Variants in MYH7B observed in about 807,000 individuals in gnomAD.
The protein encoded by MYH7B is myosin-7B.
Under a neutral mutation model 234.5 loss-of-function variants are expected in MYH7B, and 205 were observed. That is an observed-to-expected ratio of 0.87 (90% CI 0.78 to 0.98). The LOEUF (loss-of-function observed/expected upper bound fraction) is 0.98, where lower values mean the gene tolerates loss of function less well. MYH7B is among the 50% of genes least tolerant of loss of function. The probability of loss-of-function intolerance (pLI) is 0.00; values close to 1 mark genes in which losing one functional copy is unlikely to be tolerated. For missense variants in MYH7B, 2,652 were observed against 2,633.4 expected (o/e 1.01, Z -0.15); for synonymous variants, 1,193 against 1,105.0 (o/e 1.08, Z -1.58).
At position 34,987,807 on chromosome 20, in the gene MYH7B, C is replaced by T. The variant is rs773407104; in HGVS notation, c.1309C>T (p.Arg437Trp). 2.5e-5 allele frequency: 40 copies of T among 1,613,994 alleles called. 1 individual carries two copies. Among genetic ancestry groups the T allele is most frequent in the Middle Eastern group, 1.6e-4 (1 of 6,082 alleles). The change falls in exon 18 of 45, where the codon CGG becomes TGG. Residue 437 changes from arginine (R) to tryptophan (W), a missense_variant. Coordinates refer to ENST00000262873, the Ensembl canonical transcript of MYH7B. ...GGCTCTGGCCAAGGCCACCTATGAC[C>T]GGCTGTTCAGGTGGCTGGTGTCTCG...
At chr20:35,001,642 AAG>A (rs1216648905) in intron 43 of MYH7B, 116 bp downstream of exon 43, 1 of 927,128 alleles carries the variant, frequency 1.1e-6, no homozygotes, top group Admixed American at 2.4e-5. Context: ...ACCCAGAGGG[AAG>A]AGAGAAGCTT....
At position 34,991,082 on chromosome 20, in the gene MYH7B, G is replaced by C. The variant is rs1346223790; in HGVS notation, c.2144G>C (p.Gly715Ala). 4 of 1,613,506 alleles carry C rather than the reference G, an allele frequency of 2.5e-6. No homozygotes were observed. The highest frequency in any genetic ancestry group is 2.5e-6 in the Non-Finnish European group (3 of 1,179,700). Residue 715 changes from glycine to alanine, a missense_variant, in exon 24 of 45, where the codon GGG (glycine) becomes GCG (alanine). This residue lies in a region of MYH7B where 2,279 missense variants were observed against 2,211.4 expected (regional missense o/e 1.03). Transcript: ENST00000262873. ...GAGGGGATCCGGATCTGCCGCCAAG[G>C]GTTCCCCAACAGGTTGCTCTACACC... is the stretch of plus-strand genomic sequence containing the variant.
chr20:34,982,595 C>A, intron 10 of MYH7B, 40 bp downstream of exon 10: 2 of 1,424,304 alleles, frequency 1.4e-6, no homozygotes, highest in South Asian at 1.3e-5. Context: ...CGTTGCTTCT[C>A]GCTGTTTTTC....
exon 12 of MYH7B, chr20:34,984,936 C>T (rs754439735): frequency 1.9e-6 from 3 of 1,613,788 alleles, no homozygotes; most frequent in African/African-American, 1.3e-5. Context: ...AATGATAACT[C>T]CTCCCGCTTT....
rs2082021892 is a variant in MYH7B at position 34,986,290 on chromosome 20, C to T, written c.904+92C>T. 6.2e-6 allele frequency: 6 copies of T among 968,462 alleles called. No homozygotes were observed. In the Admixed American group the frequency reaches 1.2e-4, roughly 20 times the overall value. 60.0% of individuals were successfully genotyped at this position (968,462 alleles called of 1,614,324 possible). ...CCCCATCAGGCCAGGCCCTGGTGGT[C>T]TTTCCCTCCCTGTCCTGGGGTCTGT... On this transcript the variant is annotated intron_variant, in intron 14 of 44. Transcript: ENST00000262873.
intron 24 of MYH7B, among the ~76,000 whole-genome samples, chr20:34,991,443 G>C (rs1355394381): frequency 6.6e-6 from 1 of 152,200 alleles, no homozygotes; most frequent in Non-Finnish European, 1.5e-5. Context: ...ACCAGTGGTA[G>C]ATTTACTGAG....
intron 2 of MYH7B, among the ~76,000 whole-genome samples, chr20:34,962,280 A>G (rs1403899315): frequency 6.6e-6 from 1 of 152,132 alleles, no homozygotes; most frequent in East Asian, 1.9e-4. Context: ...TTTTTGTGTG[A>G]ATGTTTTCTG....
At position 34,985,334 on chromosome 20, in the gene MYH7B, C is replaced by T. The variant is rs995477428; in HGVS notation, c.805+205C>T. 9.9e-5 allele frequency among the ~76,000 whole-genome samples: 15 copies of T among 152,258 alleles called. No individual in the cohort carries two copies. The East Asian group carries it at 1.5e-3, about 16-fold the overall frequency. The stretch of plus-strand genomic sequence containing the variant: ...CTGGTCTCCAGCTTCCTCTCCTCTA[C>T]GCGGCCATAGTTTTGCTGGTCATAT... On this transcript the variant is annotated intron_variant, in intron 13 of 44. Coordinates refer to ENST00000262873, the Ensembl canonical transcript of MYH7B.
chr20:34,999,787 A>T lies in MYH7B; in HGVS notation c.4666-4A>T, dbSNP rs776370100. The T allele has an allele frequency of 5.1e-6, 7 of 1,364,624 alleles. No homozygotes were observed. The highest frequency in any genetic ancestry group is 2.1e-4 in the Middle Eastern group (1 of 4,662). The allele number at this position is 1,364,624 out of a possible 1,614,324, so 84.5% of individuals were successfully genotyped here. A position where few individuals can be genotyped will look rare whatever the true frequency, so the allele number is the denominator to read the frequency against. ...ACCCTACCCTGCCTGCTCTGTATCC[A>T]CAGGGGGCCCTGGAGCTGGAGGAGA... On this transcript the variant is annotated splice_region_variant and splice_polypyrimidine_tract_variant and intron_variant, in intron 37 of 44. Coordinates refer to ENST00000262873, the Ensembl canonical transcript of MYH7B.
chr20:34,999,413 C>G lies in MYH7B; in HGVS notation c.4540+8C>G. 1 of 1,509,412 alleles carries G rather than the reference C, an allele frequency of 6.6e-7. No homozygotes were observed. The highest frequency in any genetic ancestry group is 8.9e-7 in the Non-Finnish European group (1 of 1,129,470). 93.5% of individuals were successfully genotyped at this position (1,509,412 alleles called of 1,614,324 possible). On this transcript the variant is annotated splice_region_variant and intron_variant, in intron 36 of 44. Transcript: ENST00000262873. ...AGAACAAGAACCTGCAGGGTAGGAC[C>G]TGCCACACGCCAGGGCCAGGGTGCT...
At chr20:34,982,141 G>GCCCAGCTC (rs1483620552) in intron 9 of MYH7B, 18 of 322,780 alleles carry the variant, frequency 5.6e-5, no homozygotes, top group African/African-American at 4.0e-4. Context: ...AACTCCTGAG[G>GCCCAGCTC]CCCAGTTCCT....
chr20:34,959,603 G>A (rs903260012), intron 2 of MYH7B, among the ~76,000 whole-genome samples: 1 of 151,472 alleles, frequency 6.6e-6, no homozygotes, highest in Non-Finnish European at 1.5e-5. Flanking sequence ...TCAGTCTCCC[G>A]AGTAGCTGGG....
At chr20:34,984,638 G>A (rs375624238) in intron 10 of MYH7B, 54 bp from the exon 11 acceptor site, 60 of 734,252 alleles carry the variant, frequency 8.2e-5, no homozygotes, top group African/African-American at 7.7e-4. Context: ...GCCCCACCCC[G>A]CCCTTCCCCA....
rs1186780849 is a variant in MYH7B, at chr20:34,987,141, C to T, written c.1009-8C>T. 2.5e-6 allele frequency: 4 copies of T among 1,612,742 alleles called. No homozygotes were observed. Among genetic ancestry groups the T allele is most frequent in the Admixed American group, 1.7e-5 (1 of 59,974 alleles). ...CTCTCTGAACTCGCTTTCCCTGCTG[C>T]CCCCCAGCATGCCATGGACATCCTA... On this transcript the variant is annotated splice_region_variant and splice_polypyrimidine_tract_variant and intron_variant, in intron 15 of 44. Coordinates refer to ENST00000262873, the Ensembl canonical transcript of MYH7B.
At chr20:34,956,292 G>A (rs1057023663) in intron 1 of MYH7B, among the ~76,000 whole-genome samples, 1 of 152,102 alleles carries the variant, frequency 6.6e-6, no homozygotes, top group Non-Finnish European at 1.5e-5. Context: ...AAGCATTAGA[G>A]GCAAAAGGAA....
Position 34,981,544 on chromosome 20 carries a change from G to A in MYH7B, c.527+484G>A, listed in dbSNP as rs148691605. On this transcript the variant is annotated intron_variant, in intron 9 of 44. Transcript: ENST00000262873. The stretch of plus-strand genomic sequence containing the variant: ...ATGTTTAGTGTGAGTGTGCATGCGC[G>A]TATGCAGTTAAGAGCAAGTGCCTTG... The A allele has an allele frequency of 2.1e-3, 348 of 168,218 alleles. 5 individuals are homozygous for A. Among genetic ancestry groups the A allele is most frequent in the African/African-American group, 8.0e-3 (334 of 41,656 alleles). The allele number at this position is 168,218 out of a possible 1,614,324, so 10.4% of individuals were successfully genotyped here. A position where few individuals can be genotyped will look rare whatever the true frequency, so the allele number is the denominator to read the frequency against.
intron 14 of MYH7B, 40 bp downstream of exon 14, chr20:34,986,238 T>C (rs1363572681): frequency 2.0e-6 from 3 of 1,506,450 alleles, no homozygotes; most frequent in Non-Finnish European, 2.7e-6. Flanking sequence ...AGTCAGAACC[T>C]GGAGGGGCTG....
At chr20:34,994,037 G>A (rs1320589473) in intron 26 of MYH7B, 109 bp from the exon 27 acceptor site, 7 of 1,402,702 alleles carry the variant, frequency 5.0e-6, no homozygotes, top group Non-Finnish European at 6.9e-6. Context: ...GCTATTAGGA[G>A]CTACTCCATG....
intron 2 of MYH7B, among the ~76,000 whole-genome samples, chr20:34,969,032 A>G (rs780917833): frequency 3.3e-5 from 5 of 152,198 alleles, no homozygotes; most frequent in African/African-American, 4.8e-5. Context: ...GCCTGTTCCT[A>G]CTGCCCCCTC....
Sources: allele counts gnomAD v4.1 joint callset (sites outside exome capture counted in the v4.1 genomes callset), GRCh38; gene constraint gnomAD v4.1.1; regional missense constraint gnomAD v4.1.1; transcripts MANE v1.5; gene names NCBI Gene and HGNC (gene_info 2026-07-23, HGNC 2026-07-21).